COBL: variants seen among roughly 807,000 people sequenced by gnomAD.
COBL encodes protein cordon-bleu.
Under a neutral mutation model 98.8 loss-of-function variants are expected in COBL, and 51 were observed. The ratio of observed to expected loss-of-function variants is 0.52; its 90% CI spans 0.41 to 0.65. COBL has a LOEUF of 0.65. Among genes scored for constraint, COBL ranks in the 30% least tolerant of loss-of-function variants. COBL has a pLI of 0.00. For synonymous variants in COBL, 634 were observed against 651.7 expected, an observed-to-expected ratio of 0.97 and a Z score of 0.41; for missense variants, 1,617 against 1,617.5, an observed-to-expected ratio of 1.00 and a Z score of 0.01.
At chr7:51,265,370 C>A (rs1339044139) in intron 1 of COBL, among the ~76,000 whole-genome samples, 1 of 152,124 alleles carries the variant, frequency 6.6e-6, no homozygotes, top group East Asian at 1.9e-4. Flanking sequence ...ATCCACTGAC[C>A]CCAGCACGCC....
intron 6 of COBL, among the ~76,000 whole-genome samples, chr7:51,111,519 T>C (rs987303803): frequency 6.6e-6 from 1 of 152,190 alleles, no homozygotes; most frequent in Non-Finnish European, 1.5e-5. Flanking sequence ...CATCCTGCTC[T>C]TCCAGTGGCC....
At chr7:51,067,511 T>G (rs1792061058) in intron 7 of COBL, among the ~76,000 whole-genome samples, 1 of 152,248 alleles carries the variant, frequency 6.6e-6, no homozygotes, top group East Asian at 1.9e-4. Context: ...GCATGCACCA[T>G]GGGTGCACAT....
rs1431433647 is a variant in COBL, at chr7:51,219,817, C to T, written c.169G>A (p.Ala57Thr). The part of the protein sequence containing the change: ...SQQNLVRMKE[A>T]LRASTMDVTV... ...ACGTCCATGGTGCTGGCCCTCAGCG[C>T]CTCCTTCATGCGAACCAAGTTCTGC... is the stretch of plus-strand genomic sequence containing the variant. The change falls in exon 2 of 13, where the codon GCG (alanine) becomes ACG (threonine). Residue 57 changes from alanine (A) to threonine (T), a missense_variant. Transcript: ENST00000265136. 4 of 1,613,858 alleles carry T rather than the reference C, an allele frequency of 2.5e-6. No homozygotes were observed. The highest frequency in any genetic ancestry group is 2.7e-5 in the African/African-American group (2 of 74,914).
intron 6 of COBL, among the ~76,000 whole-genome samples, chr7:51,118,398 T>C (rs1205753872): frequency 1.3e-5 from 2 of 152,062 alleles, no homozygotes; most frequent in Non-Finnish European, 2.9e-5. Context: ...AGTGGGGTTG[T>C]TGAAAATTGC....
chr7:51,087,149 C>G (rs1020954715), intron 6 of COBL, among the ~76,000 whole-genome samples: 1 of 151,750 alleles, frequency 6.6e-6, no homozygotes, highest in Non-Finnish European at 1.5e-5. Context: ...GAGACATACA[C>G]ACACACACAC....
chr7:51,155,607 AAAAAAAAAAAAG>A, intron 5 of COBL, among the ~76,000 whole-genome samples: 1 of 150,170 alleles, frequency 6.7e-6, no homozygotes, highest in East Asian at 1.9e-4. Context: ...AAAAAAAAAA[AAAAAAAAAAAAG>A]AAGACTGCAC....
At chr7:51,291,960 T>C (rs192906195) in intron 1 of COBL, among the ~76,000 whole-genome samples, 44 of 151,600 alleles carry the variant, frequency 2.9e-4, no homozygotes, top group African/African-American at 9.4e-4. Flanking sequence ...TCAGGAGCTG[T>C]GGACCAGCCT....
Position 51,028,795 on chromosome 7 carries a change from G to A in COBL, c.2301C>T (p.Val767=), listed in dbSNP as rs1456380772. 20 of 1,614,088 alleles carry A rather than the reference G, an allele frequency of 1.2e-5. No individual in the cohort carries two copies. The highest frequency in any genetic ancestry group is 2.2e-5 in the East Asian group (1 of 44,882). ...PEAESQPIGK[V]REFWRCNSVE... ...CAGAGTTGCACCTCCAGAACTCTCTGACTTTCCCAATGGGCTGAGATTCTG... is the reference window on the plus strand; with the variant it reads ...CAGAGTTGCACCTCCAGAACTCTCTAACTTTCCCAATGGGCTGAGATTCTG... The change falls in exon 10 of 13, where the codon GTC becomes GTT. Residue 767 remains valine, a synonymous_variant. Coordinates refer to ENST00000265136, the MANE Select transcript of COBL (RefSeq NM_015198.5).
intron 1 of COBL, among the ~76,000 whole-genome samples, chr7:51,297,391 C>CTTTT (rs71021766): frequency 0.064 from 7,625 of 119,096 alleles, 436 homozygotes; most frequent in East Asian, 0.23. Flanking sequence ...TTTTGAAAAT[C>CTTTT]TTTTTTTTTT....
At chr7:51,204,694 G>T (rs1791498088) in intron 2 of COBL, among the ~76,000 whole-genome samples, 1 of 151,940 alleles carries the variant, frequency 6.6e-6, no homozygotes, top group Non-Finnish European at 1.5e-5. Flanking sequence ...AGGACTACAG[G>T]TATGCACCAC....
At chr7:51,148,159 G>A (rs1206016689) in intron 5 of COBL, among the ~76,000 whole-genome samples, 1 of 152,126 alleles carries the variant, frequency 6.6e-6, no homozygotes, top group Non-Finnish European at 1.5e-5. Flanking sequence ...TTCCTAATTA[G>A]ACGGAGAGGA....
Position 51,132,513 on chromosome 7 carries a change from T to C in COBL, c.957+3645A>G, listed in dbSNP as rs74996421. Reference sequence around the variant, plus strand: ...AGGCATCTGTGTTGACAGCCCCTACTCACAATCTTAATCCTGGCTCAAGAG... The same window carrying C: ...AGGCATCTGTGTTGACAGCCCCTACCCACAATCTTAATCCTGGCTCAAGAG... On this transcript the variant is annotated intron_variant, in intron 6 of 12. Coordinates refer to ENST00000265136, the MANE Select transcript of COBL (RefSeq NM_015198.5). Among the ~76,000 whole-genome samples, 1,192 of 152,252 alleles carry C rather than the reference T, an allele frequency of 7.8e-3. 20 individuals carry two copies. The highest frequency in any genetic ancestry group is 0.027 in the African/African-American group (1,118 of 41,544).
intron 1 of COBL, among the ~76,000 whole-genome samples, chr7:51,291,764 A>C (rs1800922887): frequency 6.6e-6 from 1 of 152,102 alleles, no homozygotes; most frequent in Non-Finnish European, 1.5e-5. Context: ...CCGTCTCAAA[A>C]AAAAAAGTAA....
At chr7:51,183,429 G>C (rs959367962) in intron 5 of COBL, among the ~76,000 whole-genome samples, 1 of 151,976 alleles carries the variant, frequency 6.6e-6, no homozygotes, top group Non-Finnish European at 1.5e-5. Context: ...TTGGTAGTCA[G>C]AAGGCATTTA....
At position 51,263,518 on chromosome 7, in the gene COBL, C is replaced by T. The variant is rs372479870; in HGVS notation, c.42-43574G>A. Among the ~76,000 whole-genome samples the T allele has an allele frequency of 2.6e-5, 4 of 151,566 alleles. No individual in the cohort carries two copies. The South Asian group carries it at 8.3e-4, about 32-fold the overall frequency. On this transcript the variant is annotated intron_variant, in intron 1 of 12. Transcript: ENST00000265136. Reference sequence around the variant, plus strand: ...CAAGGGCCTGAGCTATGAACCAAGACAATAAAACAGAAAAAAAAGTTCTTT... The same window carrying T: ...CAAGGGCCTGAGCTATGAACCAAGATAATAAAACAGAAAAAAAAGTTCTTT...
intron 7 of COBL, among the ~76,000 whole-genome samples, chr7:51,062,862 G>A (rs996663948): frequency 3.9e-5 from 6 of 152,172 alleles, no homozygotes; most frequent in Non-Finnish European, 2.9e-5. Context: ...GACACCCGTG[G>A]AGAGCGCTGG....
intron 6 of COBL, among the ~76,000 whole-genome samples, chr7:51,134,415 A>G (rs943179146): frequency 6.6e-6 from 1 of 152,250 alleles, no homozygotes; most frequent in African/African-American, 2.4e-5. Context: ...TTTTTCATTC[A>G]GAATTCCCAA....
chr7:51,144,451 G>C (rs1468006587), intron 5 of COBL, among the ~76,000 whole-genome samples: 2 of 152,186 alleles, frequency 1.3e-5, no homozygotes, highest in Non-Finnish European at 2.9e-5. Flanking sequence ...CACACACCCA[G>C]GCTGCACACC....
At chr7:51,197,084 T>G in intron 2 of COBL, among the ~76,000 whole-genome samples, 1 of 152,188 alleles carries the variant, frequency 6.6e-6, no homozygotes, top group East Asian at 1.9e-4. Context: ...GTTGGTTTTC[T>G]CTTAGTTATC....
Sources: gnomAD v4.1 joint callset for allele counts (sites outside exome capture counted in the v4.1 genomes callset) on GRCh38, gnomAD v4.1.1 for gene constraint, MANE v1.5 for transcripts, NCBI Gene and HGNC (gene_info 2026-07-23, HGNC 2026-07-21) for gene names.